HPR: variants seen among roughly 807,000 people sequenced by gnomAD.
The protein encoded by HPR is Haptoglobin-related locus.
A neutral mutation model predicts 18.5 loss-of-function variants in HPR; 17 were observed. That is an observed-to-expected ratio of 0.92 (90% CI 0.63 to 1.38). HPR has a LOEUF of 1.38. Ranked by LOEUF, HPR falls within the 40% of genes most tolerant of loss-of-function variation. The probability of loss-of-function intolerance (pLI) is 0.00; values close to 1 mark genes in which losing one functional copy is unlikely to be tolerated. For missense variants in HPR, 457 were observed against 432.4 expected (o/e 1.06, Z -0.51); for synonymous variants, 176 against 165.0 (o/e 1.07, Z -0.51).
intron 1 of HPR, among the ~76,000 whole-genome samples, chr16:72,063,940 C>T (rs561087787): frequency 1.1e-3 from 171 of 150,858 alleles, no homozygotes; most frequent in African/African-American, 3.9e-3. Context: ...ATGTGGTTCA[C>T]CATGTTGGCC....
intron 1 of HPR, among the ~76,000 whole-genome samples, chr16:72,072,643 G>T (rs2041669643): frequency 6.6e-6 from 1 of 152,106 alleles, no homozygotes; most frequent in Non-Finnish European, 1.5e-5. Context: ...CTTGCCATCA[G>T]AATAGGGTTG....
intron 4 of HPR, 84 bp from the exon 5 acceptor site, chr16:72,076,219 A>C: frequency 6.3e-7 from 1 of 1,587,194 alleles, no homozygotes; most frequent in South Asian, 1.1e-5. Context: ...TGCAGCAGTG[A>C]CAGCCGCCAA....
At chr16:72,063,657 T>A (rs1369786648) in intron 1 of HPR, among the ~76,000 whole-genome samples, 1 of 152,172 alleles carries the variant, frequency 6.6e-6, no homozygotes, top group African/African-American at 2.4e-5. Flanking sequence ...GTACTTGGGA[T>A]ACACACTAGT....
chr16:72,068,801 G>C lies in HPR; in HGVS notation c.6-5091G>C, dbSNP rs373573795. The stretch of plus-strand genomic sequence containing the variant: ...ACAGTAAGCACACCCCACCAAGTTA[G>C]AGAGCTATTTTAAATAAAAAAGCAG... On this transcript the variant is annotated intron_variant, in intron 1 of 4. Transcript: ENST00000540303. 5.9e-5 allele frequency among the ~76,000 whole-genome samples: 9 copies of C among 152,280 alleles called. 1 individual carries two copies. Among genetic ancestry groups the C allele is most frequent in the African/African-American group, 1.9e-4 (8 of 41,568 alleles).
At chr16:72,071,379 G>T (rs929777832) in intron 1 of HPR, among the ~76,000 whole-genome samples, 3 of 152,174 alleles carry the variant, frequency 2.0e-5, no homozygotes, top group African/African-American at 7.2e-5. Context: ...GGCCCAGATT[G>T]TCCCCTTTCC....
chr16:72,067,307 C>A (rs565741334), intron 1 of HPR, among the ~76,000 whole-genome samples: 1 of 152,160 alleles, frequency 6.6e-6, no homozygotes, highest in African/African-American at 2.4e-5. Context: ...TTCCCCTCAT[C>A]TAATGTTGCC....
chr16:72,077,064 A>C lies in HPR; in HGVS notation c.1030A>C (p.Thr344Pro), dbSNP rs1363369107. ...TTCCATCCAGCACTGGGTTCAGAAG[A>C]CCATAGCTGAGAACTAATGCAAGGC... The part of the protein sequence containing the change: ...VTSIQHWVQK[T>P]IAEN The change falls in exon 5 of 5, where the codon ACC (threonine) becomes CCC (proline). Residue 344 changes from threonine (T) to proline (P), a missense_variant. Physicochemically the swap from Thr to Pro is conservative, Grantham distance 38. Transcript: ENST00000540303. The C allele has an allele frequency of 1.2e-6, 2 of 1,611,970 alleles. No individual in the cohort carries two copies. Among genetic ancestry groups the C allele is most frequent in the Non-Finnish European group, 1.7e-6 (2 of 1,178,860 alleles).
chr16:72,074,274 C>A lies in HPR; in HGVS notation c.92-10C>A. ...AAATGGTAAACTCTCTGGCTTCTCT[C>A]TCTTTGCAGATGACCGCTTCCCGAA... On this transcript the variant is annotated splice_polypyrimidine_tract_variant and intron_variant, in intron 2 of 4. Transcript: ENST00000540303. 6.2e-7 allele frequency: 1 copy of A among 1,611,288 alleles called. No individual in the cohort carries two copies.
Position 72,075,163 on chromosome 16 carries a change from A to G in HPR, c.212A>G (p.Asp71Gly). ...GTTTCAGGAGTATACACCTTAAATG[A>G]TAAGAAGCAGTGGATAAATAAGGCT... ...TEGDGVYTLNDKKQWINKAVG... is the reference protein window; with the variant it reads ...TEGDGVYTLNGKKQWINKAVG... The change falls in exon 4 of 5, where the codon GAT (aspartate) becomes GGT (glycine). Residue 71 changes from aspartate to glycine, a missense_variant. Coordinates refer to ENST00000540303, the MANE Select transcript of HPR (RefSeq NM_020995.4). The G allele has an allele frequency of 7.2e-7, 1 of 1,392,786 alleles. No individual in the cohort carries two copies. Among genetic ancestry groups the G allele is most frequent in the South Asian group, 1.2e-5 (1 of 81,932 alleles). The allele number at this position is 1,392,786 out of a possible 1,614,324, so 86.3% of individuals were successfully genotyped here.
At position 72,076,510 on chromosome 16, in the gene HPR, T is replaced by C. The variant is rs200632830; in HGVS notation, c.476T>C (p.Ile159Thr). 1,318 of 1,614,130 alleles carry C rather than the reference T, an allele frequency of 8.2e-4. 3 individuals are homozygous for C. Among genetic ancestry groups the C allele is most frequent in the Non-Finnish European group, 1.0e-3 (1,220 of 1,180,004 alleles). The change falls in exon 5 of 5, where the codon ATT (isoleucine) becomes ACT (threonine). Residue 159 changes from isoleucine to threonine, a missense_variant. Ile to Thr is a moderately conservative substitution (Grantham distance 89). Coordinates refer to ENST00000540303, the MANE Select transcript of HPR (RefSeq NM_020995.4). ...NHSENATAKD[I>T]APTLTLYVGK... Reference sequence around the variant, plus strand: ...TCAGAAAATGCAACAGCGAAAGACATTGCCCCTACTTTAACACTCTATGTG... The same window carrying C: ...TCAGAAAATGCAACAGCGAAAGACACTGCCCCTACTTTAACACTCTATGTG...
At chr16:72,073,630 G>C in intron 1 of HPR, 1 of 1,278,636 alleles carries the variant, frequency 7.8e-7, no homozygotes. Context: ...AGAATTCCCA[G>C]CAAGACAGAG....
chr16:72,067,952 C>T (rs2041615296), intron 1 of HPR, among the ~76,000 whole-genome samples: 1 of 152,080 alleles, frequency 6.6e-6, no homozygotes, highest in African/African-American at 2.4e-5. Context: ...TGGGCATGTC[C>T]CTGGCTGAAG....
intron 1 of HPR, among the ~76,000 whole-genome samples, chr16:72,072,689 C>T (rs1393322839): frequency 6.6e-6 from 1 of 152,076 alleles, no homozygotes; most frequent in South Asian, 2.1e-4. Context: ...TACCCTGTGC[C>T]CTAGGATTAA....
intron 1 of HPR, among the ~76,000 whole-genome samples, chr16:72,068,878 A>G (rs1455325665): frequency 6.6e-6 from 1 of 152,192 alleles, no homozygotes; most frequent in East Asian, 1.9e-4. Flanking sequence ...ATTCTACTAA[A>G]AAAAGATGAG....
In HPR at chr16:72,076,882, T is replaced by C. The variant is rs1065360; in HGVS notation, c.848T>C (p.Val283Ala). 63,593 of 1,613,690 alleles carry C rather than the reference T, an allele frequency of 0.039. 2,354 individuals are homozygous for C. Among genetic ancestry groups the C allele is most frequent in the African/African-American group, 0.17 (13,002 of 74,598 alleles). Residue 283 changes from valine (V) to alanine (A), a missense_variant, in exon 5 of 5, where the codon GTC becomes GCC. By Grantham distance (64) the Val-to-Ala change is moderately conservative. Transcript: ENST00000540303. ...ATACTGAACGAACACACCTTCTGTGTCGGCATGTCTAAGTACCAGGAAGAC... is the reference window on the plus strand; with the variant it reads ...ATACTGAACGAACACACCTTCTGTGCCGGCATGTCTAAGTACCAGGAAGAC... ...QPILNEHTFC[V>A]GMSKYQEDTC...
At chr16:72,065,438 A>G (rs1403650590) in intron 1 of HPR, among the ~76,000 whole-genome samples, 1 of 152,158 alleles carries the variant, frequency 6.6e-6, no homozygotes, top group Non-Finnish European at 1.5e-5. Context: ...CTAAGACCCA[A>G]TATGGGAAAT....
chr16:72,074,241 C>A (rs372495963), intron 2 of HPR, 43 bp from the exon 3 acceptor site: 381 of 1,569,846 alleles, frequency 2.4e-4, no homozygotes, highest in Non-Finnish European at 3.0e-4. Flanking sequence ...TCTCTGGGAA[C>A]AATTTCCAAA....
chr16:72,068,860 A>G (rs2041625175), intron 1 of HPR, among the ~76,000 whole-genome samples: 1 of 152,180 alleles, frequency 6.6e-6, no homozygotes, highest in Non-Finnish European at 1.5e-5. Context: ...ATCTTAAAAT[A>G]TGGGGCTATT....
chr16:72,074,075 TC>T (rs1441853947), intron 2 of HPR, 98 bp downstream of exon 2: 1 of 1,512,540 alleles, frequency 6.6e-7, no homozygotes, highest in African/African-American at 1.4e-5. Flanking sequence ...AACACACAGT[TC>T]CCCATTCTTA....
Sources: allele counts gnomAD v4.1 joint callset (sites outside exome capture counted in the v4.1 genomes callset), GRCh38; gene constraint gnomAD v4.1.1; transcripts MANE v1.5; gene names NCBI Gene and HGNC (gene_info 2026-07-23, HGNC 2026-07-21).